The following SH3RF3 variants were observed in gnomAD, a reference collection of about 807,000 sequenced individuals.
The protein encoded by SH3RF3 is E3 ubiquitin-protein ligase SH3RF3.
A neutral mutation model predicts 66.3 loss-of-function variants in SH3RF3; 29 were observed. That is an observed-to-expected ratio of 0.44 (90% CI 0.33 to 0.60). The LOEUF (loss-of-function observed/expected upper bound fraction) is 0.60, where lower values mean the gene tolerates loss of function less well. Among genes scored for constraint, SH3RF3 ranks in the 20% least tolerant of loss-of-function variants. The pLI is 0.04. For synonymous variants in SH3RF3, 583 were observed against 532.0 expected (o/e 1.10, Z -1.32); for missense variants, 1,194 against 1,190.9 (o/e 1.00, Z -0.04).
chr2:109,425,918 G>A (rs1677016434), intron 5 of SH3RF3, among the ~76,000 whole-genome samples: 1 of 151,740 alleles, frequency 6.6e-6, no homozygotes, highest in Admixed American at 6.6e-5. Flanking sequence ...TTTTTCTTGA[G>A]ATGGAGTTTC....
chr2:109,299,490 C>T (rs1681405130), intron 1 of SH3RF3, among the ~76,000 whole-genome samples: 1 of 152,036 alleles, frequency 6.6e-6, no homozygotes, highest in South Asian at 2.1e-4. Context: ...AGGGAGACCT[C>T]CCATGATGTA....
At chr2:109,232,076 G>A (rs1679527366) in intron 1 of SH3RF3, among the ~76,000 whole-genome samples, 1 of 152,194 alleles carries the variant, frequency 6.6e-6, no homozygotes, top group Non-Finnish European at 1.5e-5. Flanking sequence ...GGGCTATTAT[G>A]AACAATGCCG....
intron 2 of SH3RF3, 60 bp from the exon 3 acceptor site, chr2:109,371,526 T>G: frequency 6.8e-7 from 1 of 1,469,512 alleles, no homozygotes; most frequent in Non-Finnish European, 9.5e-7. Flanking sequence ...AGTGTCTTGC[T>G]TCCTTTTTCA....
intron 1 of SH3RF3, among the ~76,000 whole-genome samples, chr2:109,183,460 A>G (rs1678115231): frequency 6.6e-6 from 1 of 152,198 alleles, no homozygotes; most frequent in African/African-American, 2.4e-5. Context: ...CCCACACAGT[A>G]AAGATCTGGA....
chr2:109,297,860 C>T (rs903733708), intron 1 of SH3RF3, among the ~76,000 whole-genome samples: 4 of 152,128 alleles, frequency 2.6e-5, no homozygotes, highest in African/African-American at 9.7e-5. Flanking sequence ...CAGTTCGCCC[C>T]ACCCAGGCCA....
chr2:109,323,694 G>A (rs1351472646), intron 1 of SH3RF3, among the ~76,000 whole-genome samples: 1 of 152,212 alleles, frequency 6.6e-6, no homozygotes, highest in African/African-American at 2.4e-5. Flanking sequence ...GAGGAGATAA[G>A]GTGAAGGTGG....
At chr2:109,352,857 G>A (rs1045670242) in intron 2 of SH3RF3, among the ~76,000 whole-genome samples, 2 of 152,272 alleles carry the variant, frequency 1.3e-5, no homozygotes. Flanking sequence ...CCTTCTGACA[G>A]CAAAGGGAGT....
chr2:109,307,148 T>A (rs115139752), intron 1 of SH3RF3, among the ~76,000 whole-genome samples: 2,330 of 152,370 alleles, frequency 0.015, 22 homozygotes, highest in Non-Finnish European at 0.022. Context: ...GTACCTGTTG[T>A]ACTCTTCATG....
intron 4 of SH3RF3, among the ~76,000 whole-genome samples, chr2:109,415,084 T>C (rs1676687442): frequency 6.6e-6 from 1 of 152,186 alleles, no homozygotes; most frequent in Non-Finnish European, 1.5e-5. Flanking sequence ...GACGTGGCAC[T>C]GCTTGCCTTA....
intron 2 of SH3RF3, among the ~76,000 whole-genome samples, chr2:109,359,520 A>G (rs1683013028): frequency 1.3e-5 from 2 of 152,212 alleles, no homozygotes; most frequent in East Asian, 1.9e-4. Context: ...TTTCATTTGT[A>G]CCTAAGTATT....
intron 3 of SH3RF3, among the ~76,000 whole-genome samples, chr2:109,392,262 C>A (rs965566647): frequency 6.6e-6 from 1 of 152,200 alleles, no homozygotes; most frequent in African/African-American, 2.4e-5. Flanking sequence ...CCTCCTCGTA[C>A]TCTGCAGTGA....
At chr2:109,472,541 C>T (rs771682796) in intron 8 of SH3RF3, among the ~76,000 whole-genome samples, 18 of 152,174 alleles carry the variant, frequency 1.2e-4, no homozygotes, top group Admixed American at 2.6e-4. Flanking sequence ...TCAGAAACCC[C>T]GATCCAATTG....
chr2:109,171,946 C>T (rs72944100), intron 1 of SH3RF3, among the ~76,000 whole-genome samples: 2 of 152,218 alleles, frequency 1.3e-5, no homozygotes, highest in Non-Finnish European at 2.9e-5. Context: ...TCCCTCCTTT[C>T]GCTGTGGTGA....
At chr2:109,224,970 T>G (rs972212046) in intron 1 of SH3RF3, among the ~76,000 whole-genome samples, 1 of 152,214 alleles carries the variant, frequency 6.6e-6, no homozygotes, top group Non-Finnish European at 1.5e-5. Context: ...AACCTTATCT[T>G]TTTAAAAATC....
chr2:109,155,943 C>G (rs932272754), intron 1 of SH3RF3, among the ~76,000 whole-genome samples: 1 of 152,166 alleles, frequency 6.6e-6, no homozygotes, highest in Non-Finnish European at 1.5e-5. Context: ...GTTTCCTTGG[C>G]AACTCAGGAT....
intron 1 of SH3RF3, among the ~76,000 whole-genome samples, chr2:109,291,519 G>A (rs1220952746): frequency 1.3e-5 from 2 of 152,222 alleles, no homozygotes; most frequent in Non-Finnish European, 2.9e-5. Context: ...AGGAGCGCTT[G>A]TGAGATGCAC....
chr2:109,431,571 G>T (rs1402877783), intron 5 of SH3RF3, among the ~76,000 whole-genome samples: 1 of 152,184 alleles, frequency 6.6e-6, no homozygotes, highest in Non-Finnish European at 1.5e-5. Flanking sequence ...CACTAAATTT[G>T]CTCTTTCCTT....
intron 1 of SH3RF3, among the ~76,000 whole-genome samples, chr2:109,213,034 T>C (rs1679027003): frequency 6.6e-6 from 1 of 152,184 alleles, no homozygotes; most frequent in African/African-American, 2.4e-5. Flanking sequence ...AGGAGTGCAC[T>C]CTGAGCAGGT....
chr2:109,216,683 C>T (rs1679107433), intron 1 of SH3RF3, among the ~76,000 whole-genome samples: 2 of 152,238 alleles, frequency 1.3e-5, no homozygotes. Flanking sequence ...CTAGCCAGTG[C>T]CCAAGGCAGG....
Sources: gnomAD v4.1 joint callset for allele counts (sites outside exome capture counted in the v4.1 genomes callset) on GRCh38, gnomAD v4.1.1 for gene constraint, MANE v1.5 for transcripts, NCBI Gene and HGNC (gene_info 2026-07-23, HGNC 2026-07-21) for gene names.